The following SEMA3E variants were observed in gnomAD, a reference collection of about 807,000 sequenced individuals.
SEMA3E encodes the protein semaphorin 3E.
A neutral mutation model predicts 93.6 loss-of-function variants in SEMA3E; 49 were observed. The observed-to-expected ratio is 0.52, with a 90% confidence interval of 0.42 to 0.66. The LOEUF is 0.66. Among genes scored for constraint, SEMA3E ranks in the 30% least tolerant of loss-of-function variants. The probability of loss-of-function intolerance (pLI) is 0.00; values close to 1 mark genes in which losing one functional copy is unlikely to be tolerated. For synonymous variants in SEMA3E, 363 were observed against 330.7 expected (o/e 1.10, Z -1.06); for missense variants, 906 against 964.8 (o/e 0.94, Z 0.81).
At chr7:83,389,612 T>C (rs778375274) in intron 14 of SEMA3E, among the ~76,000 whole-genome samples, 1 of 151,606 alleles carries the variant, frequency 6.6e-6, no homozygotes, top group Non-Finnish European at 1.5e-5. Context: ...TACACGTATA[T>C]ATTACATGTA....
At chr7:83,597,397 T>G (rs1418667749) in intron 1 of SEMA3E, among the ~76,000 whole-genome samples, 1 of 152,192 alleles carries the variant, frequency 6.6e-6, no homozygotes, top group Non-Finnish European at 1.5e-5. Context: ...AGGGCCTTAG[T>G]GATACTCATT....
Position 83,434,924 on chromosome 7 carries a change from G to A in SEMA3E, c.457-16441C>T, listed in dbSNP as rs367947659. ...GAGACGGGGTTTCACCGTTTTAGCC[G>A]GGATGGTCTCGATCTCCTGACCTCG... On this transcript the variant is annotated intron_variant, in intron 4 of 16. Coordinates refer to ENST00000643230, the MANE Select transcript of SEMA3E (RefSeq NM_012431.3). Among the ~76,000 whole-genome samples, 122 of 151,312 alleles carry A rather than the reference G, an allele frequency of 8.1e-4. 1 individual carries two copies. The East Asian group carries it at 0.021, about 27-fold the overall frequency.
At chr7:83,463,171 C>T (rs1200952187) in intron 4 of SEMA3E, among the ~76,000 whole-genome samples, 2 of 82,636 alleles carry the variant, frequency 2.4e-5, no homozygotes, top group Non-Finnish European at 3.1e-5. Flanking sequence ...GCACCTTCTA[C>T]AAAACAACAA....
At chr7:83,462,111 T>G (rs1789635321) in intron 4 of SEMA3E, 1 of 152,346 alleles carries the variant, frequency 6.6e-6, no homozygotes, top group Non-Finnish European at 1.5e-5. Flanking sequence ...TTCCCAGATC[T>G]TCTCGGCTTA....
chr7:83,467,794 G>T (rs1278660620), intron 3 of SEMA3E, among the ~76,000 whole-genome samples: 2 of 152,038 alleles, frequency 1.3e-5, no homozygotes, highest in Admixed American at 1.3e-4. Context: ...TACGCATCTC[G>T]GCATTTCCCA....
chr7:83,436,741 TTTG>T (rs1243369368), intron 4 of SEMA3E, among the ~76,000 whole-genome samples: 1 of 152,168 alleles, frequency 6.6e-6, no homozygotes, highest in African/African-American at 2.4e-5. Context: ...TTATTTTCTT[TTTG>T]TTGTTATTCT....
chr7:83,447,685 A>G (rs1433238148), intron 4 of SEMA3E, among the ~76,000 whole-genome samples: 1 of 152,230 alleles, frequency 6.6e-6, no homozygotes, highest in Non-Finnish European at 1.5e-5. Context: ...AGAGATAGAA[A>G]CATTGGAGGC....
chr7:83,452,322 G>A (rs1312610378), intron 4 of SEMA3E, among the ~76,000 whole-genome samples: 1 of 151,976 alleles, frequency 6.6e-6, no homozygotes, highest in Non-Finnish European at 1.5e-5. Context: ...ATTTGTTCAA[G>A]TGGGGGAAAA....
chr7:83,370,602 C>T (rs907408961), intron 16 of SEMA3E, among the ~76,000 whole-genome samples: 3 of 152,100 alleles, frequency 2.0e-5, no homozygotes, highest in African/African-American at 7.2e-5. Context: ...TTCAGGATCT[C>T]TGTGTATATC....
At chr7:83,540,786 A>ACC (rs55813193) in intron 1 of SEMA3E, among the ~76,000 whole-genome samples, 1 of 92,820 alleles carries the variant, frequency 1.1e-5, no homozygotes. Context: ...TAAATCTGAA[A>ACC]CAATTAAATG....
chr7:83,483,158 T>C (rs2115950248), intron 2 of SEMA3E, among the ~76,000 whole-genome samples: 1 of 152,284 alleles, frequency 6.6e-6, no homozygotes, highest in South Asian at 2.1e-4. Flanking sequence ...CATTAACTTC[T>C]AACTGAAATT....
intron 1 of SEMA3E, among the ~76,000 whole-genome samples, chr7:83,637,223 A>C (rs1001716081): frequency 5.1e-4 from 77 of 152,254 alleles, no homozygotes; most frequent in African/African-American, 1.8e-3. Context: ...TATTAATTAA[A>C]ATTCATACTT....
chr7:83,484,603 A>G (rs187536850), intron 2 of SEMA3E, among the ~76,000 whole-genome samples: 4 of 152,242 alleles, frequency 2.6e-5, no homozygotes, highest in Admixed American at 2.0e-4. Flanking sequence ...TAATTTTGCT[A>G]TCTTCTTAAA....
chr7:83,609,713 C>T (rs1209994116), intron 1 of SEMA3E, among the ~76,000 whole-genome samples: 4 of 151,848 alleles, frequency 2.6e-5, no homozygotes, highest in African/African-American at 9.7e-5. Context: ...TAAATTAAAA[C>T]TTGGTTTATT....
intron 2 of SEMA3E, among the ~76,000 whole-genome samples, chr7:83,489,407 A>T (rs1346638348): frequency 6.6e-6 from 1 of 151,158 alleles, no homozygotes; most frequent in Non-Finnish European, 1.5e-5. Context: ...AATTAAAAAA[A>T]AAATGACTTT....
At chr7:83,525,126 T>C (rs937877378) in intron 1 of SEMA3E, among the ~76,000 whole-genome samples, 27 of 152,114 alleles carry the variant, frequency 1.8e-4, no homozygotes, top group Admixed American at 4.6e-4. Context: ...TAATTGACAC[T>C]TTGTCTGAAT....
intron 4 of SEMA3E, among the ~76,000 whole-genome samples, chr7:83,461,004 A>G (rs574408723): frequency 4.2e-4 from 64 of 151,972 alleles, no homozygotes; most frequent in Middle Eastern, 3.4e-3. Flanking sequence ...CTCACACCTG[A>G]CCTAAAACCT....
intron 1 of SEMA3E, among the ~76,000 whole-genome samples, chr7:83,629,928 G>A (rs111277233): frequency 0.17 from 25,344 of 152,180 alleles, 2,759 homozygotes; most frequent in Middle Eastern, 0.29. Context: ...GCAGGCACCC[G>A]AGGGAATCTC....
chr7:83,569,622 A>G (rs1792232505), intron 1 of SEMA3E, among the ~76,000 whole-genome samples: 1 of 152,212 alleles, frequency 6.6e-6, no homozygotes, highest in Non-Finnish European at 1.5e-5. Flanking sequence ...ACCAACAACA[A>G]TAAGAAATAA....
Sources: gnomAD v4.1 joint callset for allele counts (sites outside exome capture counted in the v4.1 genomes callset) on GRCh38, gnomAD v4.1.1 for gene constraint, MANE v1.5 for transcripts, NCBI Gene and HGNC (gene_info 2026-07-23, HGNC 2026-07-21) for gene names.